The following SORCS3 variants were observed in gnomAD, a reference collection of about 807,000 sequenced individuals.
The protein encoded by SORCS3 is VPS10 domain-containing receptor SorCS3.
SORCS3 carries 57 observed loss-of-function variants against 146.3 expected under a neutral mutation model. The ratio of observed to expected loss-of-function variants is 0.39; its 90% CI spans 0.31 to 0.49. The LOEUF (loss-of-function observed/expected upper bound fraction) is 0.49. Ranked by LOEUF, SORCS3 falls within the 20% of genes least tolerant of loss-of-function variation. The pLI is 0.92. For synonymous variants in SORCS3, 653 were observed against 618.5 expected (o/e 1.06, Z -0.83); for missense variants, 1,341 against 1,575.5 (o/e 0.85, Z 2.52).
intron 4 of SORCS3, among the ~76,000 whole-genome samples, chr10:105,021,618 A>C (rs2055197813): frequency 6.6e-6 from 1 of 152,218 alleles, no homozygotes; most frequent in Non-Finnish European, 1.5e-5. Flanking sequence ...ATGTTCCCTG[A>C]GATGGGATAA....
intron 1 of SORCS3, among the ~76,000 whole-genome samples, chr10:104,683,338 C>G (rs572972117): frequency 5.9e-5 from 9 of 152,312 alleles, no homozygotes; most frequent in South Asian, 2.1e-4. Context: ...GCCCAAGACT[C>G]CACGTACTTT....
In SORCS3 at chr10:105,021,995, C is replaced by A. The variant is rs894907422; in HGVS notation, c.955-21060C>A. Among the ~76,000 whole-genome samples, 14 of 152,244 alleles carry A rather than the reference C, an allele frequency of 9.2e-5. No homozygotes were observed. The South Asian group carries it at 2.7e-3, about 29-fold the overall frequency. ...TCCAACTATGACATTTTGGAAAAGGCAAACCTGTGGATACAGTAAGAAGAT... is the reference window on the plus strand; with the variant it reads ...TCCAACTATGACATTTTGGAAAAGGAAAACCTGTGGATACAGTAAGAAGAT... On this transcript the variant is annotated intron_variant, in intron 4 of 26. Coordinates refer to ENST00000369701, the MANE Select transcript of SORCS3 (RefSeq NM_014978.3).
chr10:105,022,448 C>T (rs903604365), intron 4 of SORCS3, among the ~76,000 whole-genome samples: 1 of 145,940 alleles, frequency 6.9e-6, no homozygotes, highest in Non-Finnish European at 1.5e-5. Flanking sequence ...CAGGTGCCCA[C>T]CACCACGCCC....
intron 1 of SORCS3, among the ~76,000 whole-genome samples, chr10:104,750,176 G>A (rs1195084649): frequency 6.6e-6 from 1 of 152,118 alleles, no homozygotes. Context: ...TATAGAAGGG[G>A]CTACTAAGAT....
intron 1 of SORCS3, among the ~76,000 whole-genome samples, chr10:104,705,426 G>A (rs1230410940): frequency 6.6e-6 from 1 of 151,726 alleles, no homozygotes; most frequent in Non-Finnish European, 1.5e-5. Flanking sequence ...CACTCACACC[G>A]AATTAGGTTC....
chr10:104,984,737 G>A (rs538395498), intron 4 of SORCS3, among the ~76,000 whole-genome samples: 2 of 152,076 alleles, frequency 1.3e-5, no homozygotes, highest in East Asian at 1.9e-4. Context: ...TCAGTTCCAG[G>A]CCACTAAAAT....
chr10:104,776,164 T>C (rs965862241), intron 1 of SORCS3, among the ~76,000 whole-genome samples: 3 of 151,996 alleles, frequency 2.0e-5, no homozygotes, highest in Non-Finnish European at 4.4e-5. Context: ...GTACTAATAT[T>C]CCACCTGGAG....
rs530360859 is a variant in SORCS3 at position 105,043,091 on chromosome 10, C to G, written c.991C>G (p.Leu331Val). The G allele has an allele frequency of 5.0e-6, 8 of 1,613,850 alleles. No homozygotes were observed. The highest frequency in any genetic ancestry group is 2.7e-5 in the African/African-American group (2 of 74,998). The change falls in exon 5 of 27, where the codon CTC becomes GTC. Residue 331 changes from leucine (L) to valine (V), a missense_variant. By Grantham distance (32) the Leu-to-Val change is conservative. Transcript: ENST00000369701. ...CATGGACTTTGGAAGACGGTGGCAA[C>G]TCATGCATGAACGCATCACACCCAA... is the stretch of plus-strand genomic sequence containing the variant. ...SSMDFGRRWQ[L>V]MHERITPNRF...
At chr10:104,754,514 A>AG (rs898893492) in intron 1 of SORCS3, among the ~76,000 whole-genome samples, 14 of 152,144 alleles carry the variant, frequency 9.2e-5, no homozygotes, top group African/African-American at 1.4e-4. Context: ...AGTCCAGAAT[A>AG]GGGGGGGAAA....
intron 1 of SORCS3, among the ~76,000 whole-genome samples, chr10:104,801,817 CAGCAAGGGCA>C (rs976546152): frequency 6.6e-6 from 1 of 152,202 alleles, no homozygotes; most frequent in African/African-American, 2.4e-5. Flanking sequence ...TTGTAGTACA[CAGCAAGGGCA>C]AGCTTCAGAT....
At chr10:105,051,927 A>G (rs1369289654) in intron 5 of SORCS3, among the ~76,000 whole-genome samples, 3 of 152,150 alleles carry the variant, frequency 2.0e-5, no homozygotes, top group African/African-American at 7.2e-5. Context: ...ATCAGTTTCT[A>G]CTTTGCTGAT....
intron 14 of SORCS3, among the ~76,000 whole-genome samples, chr10:105,199,408 AGGAGGAG>A (rs2119611855): frequency 6.6e-6 from 1 of 152,264 alleles, no homozygotes; most frequent in East Asian, 1.9e-4. Context: ...TTTTTAAGGA[AGGAGGAG>A]GGAGGGTAGG....
chr10:105,112,352 T>C (rs1367219324), intron 7 of SORCS3, among the ~76,000 whole-genome samples: 1 of 152,156 alleles, frequency 6.6e-6, no homozygotes. Flanking sequence ...AAATGATGAT[T>C]AGGACGGGCT....
intron 4 of SORCS3, among the ~76,000 whole-genome samples, chr10:105,016,156 T>TATATA (rs1554868994): frequency 0.011 from 859 of 74,748 alleles, 5 homozygotes; most frequent in African/African-American, 0.056. Context: ...TATATATATA[T>TATATA]TTTTTTTTTT....
chr10:104,769,237 C>T (rs1245393787), intron 1 of SORCS3, among the ~76,000 whole-genome samples: 1 of 152,192 alleles, frequency 6.6e-6, no homozygotes, highest in Non-Finnish European at 1.5e-5. Context: ...CTTCCAGGGG[C>T]TCTAGACTGC....
chr10:104,901,518 G>A (rs2018850953), intron 2 of SORCS3, among the ~76,000 whole-genome samples: 1 of 152,078 alleles, frequency 6.6e-6, no homozygotes, highest in Non-Finnish European at 1.5e-5. Context: ...GACTTAGTAG[G>A]GTCCTTGTCC....
Position 104,939,697 on chromosome 10 carries a change from A to G in SORCS3, c.795+23765A>G, listed in dbSNP as rs192208343. 1.4e-4 allele frequency among the ~76,000 whole-genome samples: 21 copies of G among 152,296 alleles called. No homozygotes were observed. In the East Asian group the frequency reaches 4.1e-3, roughly 29 times the overall value. On this transcript the variant is annotated intron_variant, in intron 3 of 26. Transcript: ENST00000369701. ...ACCTACTCAGAAAATGAATTTCTTG[A>G]TGGGTCTCCAAACTGACTCTGGTCC...
chr10:104,999,995 T>C (rs2055051177), intron 4 of SORCS3, among the ~76,000 whole-genome samples: 1 of 152,046 alleles, frequency 6.6e-6, no homozygotes, highest in African/African-American at 2.4e-5. Context: ...AACAATTCAG[T>C]ATGGTGGTAG....
At chr10:104,944,660 T>G (rs2019351492) in intron 3 of SORCS3, among the ~76,000 whole-genome samples, 1 of 152,234 alleles carries the variant, frequency 6.6e-6, no homozygotes, top group Non-Finnish European at 1.5e-5. Flanking sequence ...TTGAGATATC[T>G]TTTTATAACC....
Sources: gnomAD v4.1 joint callset for allele counts (sites outside exome capture counted in the v4.1 genomes callset) on GRCh38, gnomAD v4.1.1 for gene constraint, MANE v1.5 for transcripts, NCBI Gene and HGNC (gene_info 2026-07-23, HGNC 2026-07-21) for gene names.